IL5RA: variants seen among roughly 807,000 people sequenced by gnomAD.
IL5RA encodes interleukin 5 receptor subunit alpha.
IL5RA carries 49 observed loss-of-function variants against 50.0 expected under a neutral mutation model. The ratio of observed to expected loss-of-function variants is 0.98; its 90% CI spans 0.78 to 1.24. IL5RA has a LOEUF of 1.24. Among genes scored for constraint, IL5RA ranks in the 50% most tolerant of loss-of-function variants. The probability of loss-of-function intolerance (pLI) is 0.00; values close to 1 mark genes in which losing one functional copy is unlikely to be tolerated. For synonymous variants in IL5RA, 202 were observed against 174.0 expected, an observed-to-expected ratio of 1.16 and a Z score of -1.26; for missense variants, 600 against 500.4, an observed-to-expected ratio of 1.20 and a Z score of -1.90.
chr3:3,081,035 T>A (rs1702647207), intron 9 of IL5RA, among the ~76,000 whole-genome samples: 1 of 152,086 alleles, frequency 6.6e-6, no homozygotes, highest in South Asian at 2.1e-4. Context: ...TTTTTTGAAA[T>A]ATACTTATGT....
rs561830627 is a variant in IL5RA at position 3,069,291 on chromosome 3, G to A, written c.*934C>T. On this transcript the variant is annotated 3_prime_UTR_variant, in exon 12 of 12. Coordinates refer to ENST00000446632, the MANE Select transcript of IL5RA (RefSeq NM_175726.4). ...AGGAAGAAGAATTTCTGTGTATATT[G>A]GGATATTTGATGGAATGGCCTTGTA... 1 of 152,290 alleles carries A rather than the reference G, an allele frequency of 6.6e-6. No individual in the cohort carries two copies. The highest frequency in any genetic ancestry group is 1.9e-4 in the East Asian group (1 of 5,176). 9.4% of individuals were successfully genotyped at this position (152,290 alleles called of 1,614,324 possible).
chr3:3,102,189 T>C (rs1235245535), intron 4 of IL5RA, among the ~76,000 whole-genome samples: 1 of 152,202 alleles, frequency 6.6e-6, no homozygotes, highest in Non-Finnish European at 1.5e-5. Flanking sequence ...ATTGCACACC[T>C]AATATGTAGC....
chr3:3,098,876 A>T (rs1295980776), intron 5 of IL5RA, among the ~76,000 whole-genome samples: 1 of 152,196 alleles, frequency 6.6e-6, no homozygotes, highest in Non-Finnish European at 1.5e-5. Context: ...AGAGAAGTAC[A>T]ATATATTGTC....
At chr3:3,099,672 T>TA (rs923712367) in intron 5 of IL5RA, among the ~76,000 whole-genome samples, 3 of 149,174 alleles carry the variant, frequency 2.0e-5, no homozygotes, top group African/African-American at 7.4e-5. Context: ...TTATTATTAT[T>TA]ATTATTATTA....
chr3:3,106,346 A>G (rs962069466), intron 2 of IL5RA, among the ~76,000 whole-genome samples: 1 of 152,212 alleles, frequency 6.6e-6, no homozygotes, highest in Non-Finnish European at 1.5e-5. Context: ...TAACTTCATT[A>G]TTACTTCTTA....
intron 10 of IL5RA, 52 bp downstream of exon 10, chr3:3,076,479 A>G: frequency 8.8e-7 from 1 of 1,133,088 alleles, no homozygotes; most frequent in Non-Finnish European, 1.3e-6. Flanking sequence ...AAGCCTGTAA[A>G]AATGCAGTAC....
intron 2 of IL5RA, among the ~76,000 whole-genome samples, chr3:3,107,626 G>T (rs1483541517): frequency 7.0e-6 from 1 of 143,156 alleles, no homozygotes; most frequent in Non-Finnish European, 1.6e-5. Context: ...AGCAACTATA[G>T]GTTGTTTATC....
At chr3:3,083,627 C>CCAAGCAA (rs1309690177) in intron 9 of IL5RA, among the ~76,000 whole-genome samples, 3 of 152,206 alleles carry the variant, frequency 2.0e-5, no homozygotes, top group Admixed American at 6.5e-5. Flanking sequence ...CTGGAGCCCC[C>CCAAGCAA]CAAGCAACCC....
chr3:3,088,405 T>C (rs1215923489), intron 9 of IL5RA, among the ~76,000 whole-genome samples: 2 of 152,184 alleles, frequency 1.3e-5, no homozygotes, highest in Non-Finnish European at 2.9e-5. Flanking sequence ...CTCTGTCCCT[T>C]GCAGTGGTGG....
At chr3:3,086,271 C>T (rs967297668) in intron 9 of IL5RA, among the ~76,000 whole-genome samples, 2 of 152,148 alleles carry the variant, frequency 1.3e-5, no homozygotes, top group African/African-American at 4.8e-5. Context: ...CCTCGTTTCA[C>T]ACTTGGCATT....
intron 5 of IL5RA, among the ~76,000 whole-genome samples, chr3:3,099,380 G>C (rs191767611): frequency 1.3e-3 from 205 of 152,162 alleles, no homozygotes; most frequent in Middle Eastern, 6.8e-3. Flanking sequence ...TGTAGTCCCA[G>C]CACTTTGGGA....
chr3:3,070,575 CTTTTTTTTTTTT>C lies in IL5RA; in HGVS notation c.1177-276_1177-265del, dbSNP rs71058670. On this transcript the variant is annotated intron_variant, in intron 11 of 11. Coordinates refer to ENST00000446632, the MANE Select transcript of IL5RA (RefSeq NM_175726.4). ...TACTTGAAGTCATATGGATACACATCTTTTTTTTTTTTTTTTTTTTTTTTTAGACAGAGTCTC... is the reference window on the plus strand; with the variant it reads ...TACTTGAAGTCATATGGATACACATCTTTTTTTTTTTTTAGACAGAGTCTC... Among the ~76,000 whole-genome samples the C allele has an allele frequency of 5.9e-4, 50 of 84,920 alleles. 1 individual carries two copies. Among genetic ancestry groups the C allele is most frequent in the African/African-American group, 2.5e-3 (46 of 18,478 alleles). The allele number at this position is 84,920 out of a possible 152,430, so 55.7% of individuals were successfully genotyped here. A position where few individuals can be genotyped will look rare whatever the true frequency, so the allele number is the denominator to read the frequency against.
intron 2 of IL5RA, among the ~76,000 whole-genome samples, chr3:3,108,191 G>A (rs1279721616): frequency 6.6e-6 from 1 of 151,956 alleles, no homozygotes; most frequent in East Asian, 1.9e-4. Context: ...AATAAACCAA[G>A]GTATAAACTG....
chr3:3,099,658 T>TTTATTTATTA (rs1553752869), intron 5 of IL5RA, among the ~76,000 whole-genome samples: 2 of 144,280 alleles, frequency 1.4e-5, no homozygotes, highest in Non-Finnish European at 3.0e-5. Flanking sequence ...TTTTATTTTA[T>TTTATTTATTA]TTATTATTAT....
At position 3,107,519 on chromosome 3, in the gene IL5RA, C is replaced by T. The variant is rs17881679; in HGVS notation, c.-4+1031G>A. On this transcript the variant is annotated intron_variant, in intron 2 of 11. Transcript: ENST00000446632. ...ACTTCATTAGCTTAAACATATATAT[C>T]GACAATATGTTCGACTCATTCTTCT... 1.4e-3 allele frequency among the ~76,000 whole-genome samples: 216 copies of T among 152,156 alleles called. 1 individual carries two copies. The highest frequency in any genetic ancestry group is 5.1e-3 in the African/African-American group (210 of 41,538).
chr3:3,086,278 C>G (rs1430364059), intron 9 of IL5RA, among the ~76,000 whole-genome samples: 1 of 152,122 alleles, frequency 6.6e-6, no homozygotes, highest in African/African-American at 2.4e-5. Flanking sequence ...TCACACTTGG[C>G]ATTTGAGCTT....
chr3:3,105,627 C>CCG, intron 2 of IL5RA: 1 of 137,380 alleles, frequency 7.3e-6, no homozygotes, highest in Admixed American at 7.7e-5. Context: ...GTTTTGTTCC[C>CCG]CCCCCCACCC....
chr3:3,075,205 T>TA (rs1413254109), intron 10 of IL5RA, among the ~76,000 whole-genome samples: 65 of 138,110 alleles, frequency 4.7e-4, no homozygotes, highest in African/African-American at 1.7e-3. Flanking sequence ...TTTACTTACT[T>TA]TTTTTTTTTT....
intron 2 of IL5RA, among the ~76,000 whole-genome samples, chr3:3,107,819 T>C (rs17882392): frequency 0.015 from 2,305 of 152,244 alleles, 57 homozygotes; most frequent in African/African-American, 0.051. Flanking sequence ...TCCCTATAGG[T>C]GTTTCTAGGA....
Sources: gnomAD v4.1 joint callset for allele counts (sites outside exome capture counted in the v4.1 genomes callset) on GRCh38, gnomAD v4.1.1 for gene constraint, MANE v1.5 for transcripts, NCBI Gene and HGNC (gene_info 2026-07-23, HGNC 2026-07-21) for gene names.